Variants in PPP3CA observed in about 807,000 individuals in gnomAD.
PPP3CA encodes the protein CAM-PRP catalytic subunit.
In PPP3CA, 14 loss-of-function variants were observed where a neutral mutation model predicts 66.5. The ratio of observed to expected loss-of-function variants is 0.21; its 90% CI spans 0.14 to 0.33. The LOEUF is 0.33. PPP3CA is among the 10% of genes least tolerant of loss of function. The pLI is 1.00. For missense variants in PPP3CA, 317 were observed against 639.5 expected, an observed-to-expected ratio of 0.50 and a Z score of 5.44; for synonymous variants, 232 against 226.2, an observed-to-expected ratio of 1.03 and a Z score of -0.23.
intron 2 of PPP3CA, among the ~76,000 whole-genome samples, chr4:101,190,429 G>C (rs892231847): frequency 2.6e-5 from 4 of 152,156 alleles, no homozygotes; most frequent in Admixed American, 6.6e-5. Flanking sequence ...GTGTCTTAAA[G>C]TAAAACAGTT....
intron 2 of PPP3CA, 98 bp from the exon 3 acceptor site, chr4:101,109,176 T>C: frequency 8.2e-7 from 1 of 1,226,498 alleles, no homozygotes; most frequent in South Asian, 1.5e-5. Flanking sequence ...AATTTCAAGT[T>C]TATCTGAGCC....
intron 13 of PPP3CA, among the ~76,000 whole-genome samples, chr4:101,028,444 A>T (rs540927316): frequency 2.6e-5 from 4 of 152,338 alleles, no homozygotes; most frequent in Admixed American, 2.6e-4. Flanking sequence ...TGTCCCCTGC[A>T]GCTCCTAGTA....
chr4:101,313,478 A>G (rs1728789454), intron 1 of PPP3CA, among the ~76,000 whole-genome samples: 1 of 152,166 alleles, frequency 6.6e-6, no homozygotes, highest in African/African-American at 2.4e-5. Flanking sequence ...TGTATAGCTG[A>G]CCTCTGCAAA....
At chr4:101,327,261 A>C (rs145096539) in intron 1 of PPP3CA, among the ~76,000 whole-genome samples, 339 of 152,310 alleles carry the variant, frequency 2.2e-3, no homozygotes, top group African/African-American at 7.7e-3. Context: ...ATTGTGACTG[A>C]ACCAAATATT....
chr4:101,200,217 G>A lies in PPP3CA; in HGVS notation c.59-4101C>T, dbSNP rs566673899. ...AACATCTGAGGGTCATTGCCATGGT[G>A]ACACCTTGACTGGAAGATGGTCCGT... On this transcript the variant is annotated intron_variant, in intron 1 of 13. Coordinates refer to ENST00000394854, the MANE Select transcript of PPP3CA (RefSeq NM_000944.5). 2.0e-5 allele frequency among the ~76,000 whole-genome samples: 3 copies of A among 152,254 alleles called. No homozygotes were observed. The South Asian group carries it at 6.2e-4, about 32-fold the overall frequency.
intron 2 of PPP3CA, among the ~76,000 whole-genome samples, chr4:101,188,116 T>C (rs566888804): frequency 6.6e-6 from 1 of 152,258 alleles, no homozygotes; most frequent in African/African-American, 2.4e-5. Flanking sequence ...TTTCTGGGAA[T>C]CAGGTTCATG....
intron 1 of PPP3CA, among the ~76,000 whole-genome samples, chr4:101,297,184 C>A (rs560530182): frequency 6.6e-6 from 1 of 152,156 alleles, no homozygotes; most frequent in Admixed American, 6.6e-5. Flanking sequence ...GAGACTGCTA[C>A]GTGACAAGTT....
chr4:101,339,225 C>A (rs1015471493), intron 1 of PPP3CA, among the ~76,000 whole-genome samples: 1 of 152,012 alleles, frequency 6.6e-6, no homozygotes, highest in African/African-American at 2.4e-5. Flanking sequence ...GAGGTTTTTT[C>A]CAATTTGTTC....
At chr4:101,052,302 C>G (rs1728045134) in intron 10 of PPP3CA, among the ~76,000 whole-genome samples, 1 of 151,998 alleles carries the variant, frequency 6.6e-6, no homozygotes, top group African/African-American at 2.4e-5. Flanking sequence ...TTCAAAATGT[C>G]AATAGCCCTA....
intron 9 of PPP3CA, among the ~76,000 whole-genome samples, chr4:101,061,815 C>T (rs574686167): frequency 9.9e-5 from 15 of 152,102 alleles, no homozygotes; most frequent in Non-Finnish European, 2.1e-4. Context: ...GAAATTAGTA[C>T]TGCATTATTT....
chr4:101,211,459 C>T (rs1432706710), intron 1 of PPP3CA, among the ~76,000 whole-genome samples: 1 of 152,176 alleles, frequency 6.6e-6, no homozygotes, highest in Non-Finnish European at 1.5e-5. Flanking sequence ...GTTTATTCTG[C>T]AAGCACAGTT....
At chr4:101,260,948 C>T (rs999232385) in intron 1 of PPP3CA, among the ~76,000 whole-genome samples, 1 of 151,908 alleles carries the variant, frequency 6.6e-6, no homozygotes, top group Non-Finnish European at 1.5e-5. Context: ...AGAAAGGATA[C>T]AAAAGAAAAG....
At chr4:101,301,820 TTA>T (rs148313258) in intron 1 of PPP3CA, among the ~76,000 whole-genome samples, 85 of 146,724 alleles carry the variant, frequency 5.8e-4, no homozygotes, top group South Asian at 2.3e-3. Flanking sequence ...GCACCATATT[TTA>T]TATATATATA....
intron 2 of PPP3CA, among the ~76,000 whole-genome samples, chr4:101,125,025 G>C (rs1722202666): frequency 6.6e-6 from 1 of 152,180 alleles, no homozygotes; most frequent in Admixed American, 6.5e-5. Flanking sequence ...ATGAAGCAAA[G>C]AGTTTCGAGG....
At chr4:101,321,156 A>C (rs1191815193) in intron 1 of PPP3CA, among the ~76,000 whole-genome samples, 1 of 152,208 alleles carries the variant, frequency 6.6e-6, no homozygotes, top group East Asian at 1.9e-4. Flanking sequence ...GAGATCGAAA[A>C]CTGTGATTCC....
chr4:101,266,671 A>G (rs1055916300), intron 1 of PPP3CA, among the ~76,000 whole-genome samples: 3 of 152,176 alleles, frequency 2.0e-5, no homozygotes, highest in Non-Finnish European at 4.4e-5. Context: ...GATGAGAAAC[A>G]AGAGTACAGT....
At chr4:101,305,394 C>A (rs1453094277) in intron 1 of PPP3CA, among the ~76,000 whole-genome samples, 1 of 152,100 alleles carries the variant, frequency 6.6e-6, no homozygotes, top group Non-Finnish European at 1.5e-5. Flanking sequence ...ACAGTGTGAC[C>A]CCATAAATTA....
intron 2 of PPP3CA, among the ~76,000 whole-genome samples, chr4:101,132,337 G>C (rs1411854516): frequency 4.0e-5 from 6 of 150,786 alleles, no homozygotes; most frequent in Non-Finnish European, 8.9e-5. Context: ...AAAAGATTAA[G>C]AAAATAGACC....
At chr4:101,050,860 G>A (rs1339915277) in intron 10 of PPP3CA, among the ~76,000 whole-genome samples, 1 of 152,166 alleles carries the variant, frequency 6.6e-6, no homozygotes, top group Non-Finnish European at 1.5e-5. Context: ...AAACCCTTGT[G>A]CAGATATGAA....
Sources: allele counts gnomAD v4.1 joint callset (sites outside exome capture counted in the v4.1 genomes callset), GRCh38; gene constraint gnomAD v4.1.1; transcripts MANE v1.5; gene names NCBI Gene and HGNC (gene_info 2026-07-23, HGNC 2026-07-21).